The following TNS3 variants were observed in gnomAD, a reference collection of about 807,000 sequenced individuals.
The protein encoded by TNS3 is tensin-3.
Under a neutral mutation model 140.9 loss-of-function variants are expected in TNS3, and 45 were observed. The ratio of observed to expected loss-of-function variants is 0.32; its 90% CI spans 0.25 to 0.41. The LOEUF is 0.41. Among genes scored for constraint, TNS3 ranks in the 10% least tolerant of loss-of-function variants. The pLI, the probability that TNS3 is intolerant of heterozygous loss-of-function variation, is 1.00. For synonymous variants in TNS3, 815 were observed against 788.4 expected (o/e 1.03, Z -0.56); for missense variants, 1,716 against 1,906.7 (o/e 0.90, Z 1.86).
chr7:47,519,545 C>G (rs558682550), intron 2 of TNS3, among the ~76,000 whole-genome samples: 23 of 152,306 alleles, frequency 1.5e-4, no homozygotes, highest in Admixed American at 1.3e-3. Context: ...GAACCCCAGT[C>G]CCCCACACAC....
At chr7:47,382,462 GTGCAGGC>G (rs1276138614) in intron 16 of TNS3, among the ~76,000 whole-genome samples, 1 of 152,224 alleles carries the variant, frequency 6.6e-6, no homozygotes, top group African/African-American at 2.4e-5. Flanking sequence ...TATGGAGCCT[GTGCAGGC>G]TGTTAGTATT....
At chr7:47,300,515 C>T (rs1786333322) in intron 23 of TNS3, among the ~76,000 whole-genome samples, 1 of 152,228 alleles carries the variant, frequency 6.6e-6, no homozygotes. Context: ...TCTCAGCAAA[C>T]CCCCGCGGCA....
intron 1 of TNS3, among the ~76,000 whole-genome samples, chr7:47,540,470 G>A (rs555745663): frequency 8.2e-4 from 125 of 152,304 alleles, no homozygotes; most frequent in African/African-American, 2.5e-3. Context: ...GGGGCCACTC[G>A]TGCCCGTTTT....
intron 9 of TNS3, among the ~76,000 whole-genome samples, chr7:47,425,657 A>C (rs1794608548): frequency 6.6e-6 from 1 of 152,210 alleles, no homozygotes; most frequent in Admixed American, 6.5e-5. Flanking sequence ...GTGACTTTTA[A>C]GCATTCCTTT....
intron 3 of TNS3, among the ~76,000 whole-genome samples, chr7:47,497,857 A>G (rs1584774271): frequency 2.0e-5 from 3 of 152,286 alleles, no homozygotes; most frequent in Admixed American, 2.0e-4. Context: ...TATCTGACCC[A>G]GTCAGGGCAG....
At position 47,424,114 on chromosome 7, in the gene TNS3, G is replaced by C. The variant is rs1257161053; in HGVS notation, c.460C>G (p.Pro154Ala). The C allele has an allele frequency of 6.2e-7, 1 of 1,614,154 alleles. No homozygotes were observed. The highest frequency in any genetic ancestry group is 1.7e-5 in the Admixed American group (1 of 60,010). ...YDDKVSALMQ[P>A]SQKRYVQFLS... ...ATCTATACATACCGTTTTTGGGAAG[G>C]CTGCATTAAAGCTGAAACTTTGTCA... is the stretch of plus-strand genomic sequence containing the variant. The change falls in exon 10 of 31, where the codon CCT (proline) becomes GCT (alanine). Residue 154 changes from proline to alanine, a missense_variant. By Grantham distance (27) the Pro-to-Ala change is conservative. Transcript: ENST00000311160.
chr7:47,474,626 CT>C (rs1284349292), intron 4 of TNS3, among the ~76,000 whole-genome samples: 1 of 148,634 alleles, frequency 6.7e-6, no homozygotes, highest in Admixed American at 6.7e-5. Context: ...ACACACAACA[CT>C]TCACACACAA....
chr7:47,316,089 ACTATTTCTCTCTCT>A (rs1787379516), intron 20 of TNS3, among the ~76,000 whole-genome samples: 1 of 70,720 alleles, frequency 1.4e-5, no homozygotes, highest in African/African-American at 5.2e-5. Flanking sequence ...CACCTAACTA[ACTATTTCTCTCTCT>A]CTCTCTCTCT....
intron 3 of TNS3, among the ~76,000 whole-genome samples, chr7:47,504,501 C>G (rs1256443328): frequency 1.3e-5 from 2 of 152,246 alleles, no homozygotes; most frequent in Non-Finnish European, 2.9e-5. Flanking sequence ...ACAGCACACG[C>G]TACCACCCAG....
chr7:47,434,321 A>C (rs1208553999), intron 8 of TNS3, among the ~76,000 whole-genome samples: 2 of 151,946 alleles, frequency 1.3e-5, no homozygotes, highest in East Asian at 3.9e-4. Flanking sequence ...AAAAAAAAAA[A>C]AAAACTTCTA....
In TNS3 at chr7:47,405,370, T is replaced by G. The variant is rs568771202; in HGVS notation, c.724-4456A>C. On this transcript the variant is annotated intron_variant, in intron 13 of 30. Transcript: ENST00000311160. ...ATGCTCCACTGGTGGCCCAGGCAAC[T>G]GTCTACGCAGGCCTCAAGGAATCTG... The G allele has an allele frequency of 1.0e-3, 623 of 606,872 alleles. 2 individuals are homozygous for G. The highest frequency in any genetic ancestry group is 1.0e-2 in the African/African-American group (543 of 54,318). 37.6% of individuals were successfully genotyped at this position (606,872 alleles called of 1,614,324 possible).
intron 1 of TNS3, among the ~76,000 whole-genome samples, chr7:47,572,361 C>T (rs937351139): frequency 3.3e-5 from 5 of 152,204 alleles, no homozygotes; most frequent in African/African-American, 7.2e-5. Flanking sequence ...ATGCTTCTCA[C>T]GCCCACTGCT....
rs1335878595 is a variant in TNS3 at position 47,505,263 on chromosome 7, A to C, written c.-115+1644T>G. Reference sequence around the variant, plus strand: ...GTCTGAAATGCTCCCCCAAAGGTACAATCTTCCCACTCACCACTGCATTCA... The same window carrying C: ...GTCTGAAATGCTCCCCCAAAGGTACCATCTTCCCACTCACCACTGCATTCA... On this transcript the variant is annotated intron_variant, in intron 3 of 30. Transcript: ENST00000311160. Among the ~76,000 whole-genome samples the C allele has an allele frequency of 2.0e-5, 3 of 149,780 alleles. No individual in the cohort carries two copies. The East Asian group carries it at 5.8e-4, about 29-fold the overall frequency.
chr7:47,533,128 T>TAC (rs1562837543), intron 1 of TNS3, among the ~76,000 whole-genome samples: 4 of 62,812 alleles, frequency 6.4e-5, no homozygotes, highest in Admixed American at 2.5e-4. Context: ...TATATATTTT[T>TAC]TTTTTTTTTT....
intron 16 of TNS3, among the ~76,000 whole-genome samples, chr7:47,388,994 AAGAAGAAGG>A (rs1433855754): frequency 2.0e-4 from 4 of 19,862 alleles, no homozygotes; most frequent in Non-Finnish European, 1.1e-3. Flanking sequence ...GAGGAAGAAG[AAGAAGAAGG>A]AAGAAGAAGA....
intron 4 of TNS3, among the ~76,000 whole-genome samples, chr7:47,451,574 C>T (rs1409811385): frequency 6.6e-6 from 1 of 152,168 alleles, no homozygotes; most frequent in African/African-American, 2.4e-5. Context: ...GAGCGAGACT[C>T]CATCTCCAAT....
chr7:47,321,107 GA>G (rs1421540864), intron 20 of TNS3, among the ~76,000 whole-genome samples: 1 of 152,234 alleles, frequency 6.6e-6, no homozygotes, highest in Non-Finnish European at 1.5e-5. Flanking sequence ...AATTGTGCCA[GA>G]AAACCTGCAT....
chr7:47,487,043 A>G (rs1465074839), intron 3 of TNS3, among the ~76,000 whole-genome samples: 1 of 152,196 alleles, frequency 6.6e-6, no homozygotes, highest in Non-Finnish European at 1.5e-5. Context: ...TCAAACCTAT[A>G]ATCCCAGCAC....
At position 47,389,077 on chromosome 7, in the gene TNS3, A is replaced by AGCG. The variant is rs1562675209; in HGVS notation, c.1024+7722_1024+7723insCGC. On this transcript the variant is annotated intron_variant, in intron 16 of 30. Transcript: ENST00000311160. Reference sequence around the variant, plus strand: ...AAGAAGAAGAAGAAGAAGAAGAAGAAGAAGAAGAGGAAGAGGAAGAGGAAG... The same window carrying AGCG: ...AAGAAGAAGAAGAAGAAGAAGAAGAAGCGGAAGAAGAGGAAGAGGAAGAGGAAG... Among the ~76,000 whole-genome samples the AGCG allele has an allele frequency of 1.1e-4, 7 of 61,212 alleles. 2 individuals are homozygous for AGCG. Among genetic ancestry groups the AGCG allele is most frequent in the African/African-American group, 4.0e-4 (5 of 12,352 alleles). 40.2% of individuals were successfully genotyped at this position (61,212 alleles called of 152,430 possible). A position where few individuals can be genotyped will look rare whatever the true frequency, so the allele number is the denominator to read the frequency against.
Sources: allele counts gnomAD v4.1 joint callset (sites outside exome capture counted in the v4.1 genomes callset), GRCh38; gene constraint gnomAD v4.1.1; transcripts MANE v1.5; gene names NCBI Gene and HGNC (gene_info 2026-07-23, HGNC 2026-07-21).